Variants in ABRACL observed in about 807,000 individuals in gnomAD.
The protein encoded by ABRACL is ABRA C-terminal like.
Under a neutral mutation model 7.0 loss-of-function variants are expected in ABRACL, and 4 were observed. The observed-to-expected ratio is 0.57, with a 90% CI of 0.28 to 1.30. The LOEUF (loss-of-function observed/expected upper bound fraction) is 1.30, where lower values mean the gene tolerates loss of function less well. ABRACL is among the 50% of genes most tolerant of loss of function. The probability of loss-of-function intolerance (pLI) is 0.10; values close to 1 mark genes in which losing one functional copy is unlikely to be tolerated. For synonymous variants in ABRACL, 30 were observed against 36.0 expected, an observed-to-expected ratio of 0.83 and a Z score of 0.60; for missense variants, 104 against 97.3, an observed-to-expected ratio of 1.07 and a Z score of -0.29.
chr6:139,042,147 C>T (rs955880953), intron 2 of ABRACL, among the ~76,000 whole-genome samples: 1 of 152,198 alleles, frequency 6.6e-6, no homozygotes, highest in Non-Finnish European at 1.5e-5. Flanking sequence ...TTTGGTCTAT[C>T]TTAACTTTCA....
Position 139,034,203 on chromosome 6 carries a change from C to G in ABRACL, c.43C>G (p.His15Asp). Residue 15 changes from histidine (H) to aspartate (D), a missense_variant, in exon 2 of 3, where the codon CAT becomes GAT. Coordinates refer to ENST00000367660, the MANE Select transcript of ABRACL (RefSeq NM_021243.3). The part of the protein sequence containing the change: ...HEVNLLVEEI[H>D]RLGSKNADGK... ...GGTTAACCTCTTAGTGGAGGAAATT[C>G]ATCGTTTGGGTTCAAAAAGTAAGTA... 1.9e-6 allele frequency: 3 copies of G among 1,614,160 alleles called. No individual in the cohort carries two copies. The highest frequency in any genetic ancestry group is 4.5e-5 in the East Asian group (2 of 44,888).
intron 1 of ABRACL, among the ~76,000 whole-genome samples, chr6:139,031,039 G>A (rs949871115): frequency 3.9e-5 from 6 of 152,232 alleles, no homozygotes; most frequent in Non-Finnish European, 5.9e-5. Flanking sequence ...TTCAATGAGA[G>A]CTAAGTCTGA....
At chr6:139,033,706 C>G (rs1786113881) in intron 1 of ABRACL, among the ~76,000 whole-genome samples, 1 of 152,180 alleles carries the variant, frequency 6.6e-6, no homozygotes, top group Non-Finnish European at 1.5e-5. Context: ...ATGCCTTGGA[C>G]CCACCACTCA....
intron 2 of ABRACL, among the ~76,000 whole-genome samples, chr6:139,039,537 GA>G (rs1221790246): frequency 1.3e-5 from 2 of 152,218 alleles, no homozygotes; most frequent in African/African-American, 4.8e-5. Context: ...AGGACTTCTA[GA>G]AAAGGTGGCA....
At chr6:139,037,834 T>C (rs1786187018) in intron 2 of ABRACL, among the ~76,000 whole-genome samples, 1 of 150,904 alleles carries the variant, frequency 6.6e-6, no homozygotes, top group East Asian at 2.0e-4. Flanking sequence ...TGGAGTACAG[T>C]GGTGCGATTT....
chr6:139,033,871 AAGG>A (rs1229551470), intron 1 of ABRACL, among the ~76,000 whole-genome samples: 1 of 150,070 alleles, frequency 6.7e-6, no homozygotes, highest in Non-Finnish European at 1.5e-5. Context: ...TCGTGGGTGC[AAGG>A]AGAATGGCTG....
At position 139,042,953 on chromosome 6, in the gene ABRACL, G is replaced by A; in HGVS notation, c.*50G>A. ...TGCCATTTTTTGTTTCTGGTAAACT[G>A]GAATATAAAGTGAAAGAACAAACAT... On this transcript the variant is annotated 3_prime_UTR_variant, in exon 3 of 3. Transcript: ENST00000367660. 7.0e-7 allele frequency: 1 copy of A among 1,431,144 alleles called. No homozygotes were observed. The highest frequency in any genetic ancestry group is 9.4e-7 in the Non-Finnish European group (1 of 1,060,744). The allele number at this position is 1,431,144 out of a possible 1,614,324, so 88.7% of individuals were successfully genotyped here.
chr6:139,032,594 T>C (rs1786098930), intron 1 of ABRACL, among the ~76,000 whole-genome samples: 1 of 152,206 alleles, frequency 6.6e-6, no homozygotes, highest in Non-Finnish European at 1.5e-5. Flanking sequence ...TATATAGTCA[T>C]AGGTGTCACT....
At chr6:139,032,199 C>T (rs1415052835) in intron 1 of ABRACL, among the ~76,000 whole-genome samples, 28 of 152,098 alleles carry the variant, frequency 1.8e-4, no homozygotes, top group Admixed American at 1.8e-3. Context: ...CTCCTGACCT[C>T]GTGATCCACC....
chr6:139,033,399 C>T (rs57982456), intron 1 of ABRACL, among the ~76,000 whole-genome samples: 143 of 152,378 alleles, frequency 9.4e-4, no homozygotes, highest in African/African-American at 3.3e-3. Context: ...AAGGCCATGA[C>T]GTCCCTGTAC....
At position 139,043,101 on chromosome 6, in the gene ABRACL, T is replaced by C. The variant is rs1254710119; in HGVS notation, c.*198T>C. Reference sequence around the variant, plus strand: ...GTATGATGCTATAAAATAAATCCTATTATTTTTCTCAGGAATCTGGTTAGG... The same window carrying C: ...GTATGATGCTATAAAATAAATCCTACTATTTTTCTCAGGAATCTGGTTAGG... On this transcript the variant is annotated 3_prime_UTR_variant, in exon 3 of 3. Transcript: ENST00000367660. 2.5e-6 allele frequency: 1 copy of C among 394,850 alleles called. No homozygotes were observed. Among genetic ancestry groups the C allele is most frequent in the Non-Finnish European group, 4.3e-6 (1 of 233,566 alleles). 24.5% of individuals were successfully genotyped at this position (394,850 alleles called of 1,614,324 possible).
intron 2 of ABRACL, among the ~76,000 whole-genome samples, chr6:139,041,451 C>CTCTCTCTCTCTCTCTATA (rs140091253): frequency 9.1e-6 from 1 of 110,036 alleles, no homozygotes; most frequent in African/African-American, 3.5e-5. Context: ...CTCTCTCTCT[C>CTCTCTCTCTCTCTCTATA]TATATATATA....
At chr6:139,041,497 G>C in intron 2 of ABRACL, among the ~76,000 whole-genome samples, 1 of 48,524 alleles carries the variant, frequency 2.1e-5, no homozygotes, top group Non-Finnish European at 4.1e-5. Context: ...ATATATATGT[G>C]TGTGTGTGTG....
At chr6:139,041,477 ATTTC>A (rs1228923815) in intron 2 of ABRACL, among the ~76,000 whole-genome samples, 8 of 99,114 alleles carry the variant, frequency 8.1e-5, no homozygotes, top group South Asian at 4.2e-4. Flanking sequence ...ATATTTCTAT[ATTTC>A]TATATATATA....
At position 139,042,824 on chromosome 6, in the gene ABRACL, G is replaced by C; in HGVS notation, c.167G>C (p.Arg56Thr). The C allele has an allele frequency of 6.2e-7, 1 of 1,614,052 alleles. No individual in the cohort carries two copies. Among genetic ancestry groups the C allele is most frequent in the Non-Finnish European group, 8.5e-7 (1 of 1,179,970 alleles). The change falls in exon 3 of 3, where the codon AGG (arginine) becomes ACG (threonine). Residue 56 changes from arginine to threonine, a missense_variant. Arg to Thr is a moderately conservative substitution (Grantham distance 71, BLOSUM62 -1). Transcript: ENST00000367660. ...GGAACTCTTAAAGCTGCAAAACGAA[G>C]GAAGATTGTAACATATCCAGGAGAG... ...LVGTLKAAKRRKIVTYPGELL... is the reference protein window; with the variant it reads ...LVGTLKAAKRTKIVTYPGELL...
intron 2 of ABRACL, among the ~76,000 whole-genome samples, chr6:139,036,319 G>A (rs570240135): frequency 2.6e-5 from 4 of 152,176 alleles, no homozygotes; most frequent in African/African-American, 7.2e-5. Context: ...TCCTGTCGTA[G>A]GGTCCTTAAT....
chr6:139,037,504 G>A (rs1421672725), intron 2 of ABRACL, among the ~76,000 whole-genome samples: 5 of 151,502 alleles, frequency 3.3e-5, no homozygotes, highest in East Asian at 2.0e-4. Flanking sequence ...CAAGTCATCC[G>A]CCTGCCTCAG....
At chr6:139,031,059 C>G (rs1786075544) in intron 1 of ABRACL, among the ~76,000 whole-genome samples, 1 of 152,122 alleles carries the variant, frequency 6.6e-6, no homozygotes, top group Non-Finnish European at 1.5e-5. Flanking sequence ...AAGTATGTTG[C>G]TGGAGGTGGG....
At chr6:139,040,452 C>G (rs948930821) in intron 2 of ABRACL, among the ~76,000 whole-genome samples, 1 of 152,160 alleles carries the variant, frequency 6.6e-6, no homozygotes, top group Admixed American at 6.5e-5. Context: ...AAAATTTTAA[C>G]CAAAGTTGAG....
Sources: allele counts gnomAD v4.1 joint callset (sites outside exome capture counted in the v4.1 genomes callset), GRCh38; gene constraint gnomAD v4.1.1; transcripts MANE v1.5; gene names NCBI Gene and HGNC (gene_info 2026-07-23, HGNC 2026-07-21).